MAP1B: variants seen among roughly 807,000 people sequenced by gnomAD.
The protein encoded by MAP1B is microtubule associated protein 1B, also known as microtubule-associated protein 1B.
MAP1B carries 12 observed loss-of-function variants against 176.1 expected under a neutral mutation model. The ratio of observed to expected loss-of-function variants is 0.07; its 90% CI spans 0.04 to 0.11. MAP1B has a LOEUF of 0.11. Among genes scored for constraint, MAP1B ranks in the 10% least tolerant of loss-of-function variants. The probability of loss-of-function intolerance (pLI) is 1.00; values close to 1 mark genes in which losing one functional copy is unlikely to be tolerated. For missense variants in MAP1B, 2,523 were observed against 2,990.5 expected, an observed-to-expected ratio of 0.84 and a Z score of 3.65; for synonymous variants, 1,044 against 1,135.0, an observed-to-expected ratio of 0.92 and a Z score of 1.61.
chr5:72,151,722 C>T (rs1746143753), intron 2 of MAP1B, among the ~76,000 whole-genome samples: 1 of 152,196 alleles, frequency 6.6e-6, no homozygotes, highest in Admixed American at 6.5e-5. Flanking sequence ...TGGTCCCAAA[C>T]TGGCAGTGCT....
At chr5:72,125,426 T>C (rs1745609933) in intron 2 of MAP1B, among the ~76,000 whole-genome samples, 1 of 152,224 alleles carries the variant, frequency 6.6e-6, no homozygotes, top group African/African-American at 2.4e-5. Context: ...GTATCTCCTT[T>C]TGAAGGTGTC....
rs1158935550 is a variant in MAP1B, at chr5:72,208,378, G to A, written c.*3139G>A. The A allele has an allele frequency of 2.0e-5, 3 of 152,128 alleles. No homozygotes were observed. The highest frequency in any genetic ancestry group is 4.8e-5 in the African/African-American group (2 of 41,426). 9.4% of individuals were successfully genotyped at this position (152,128 alleles called of 1,614,324 possible). A position where few individuals can be genotyped will look rare whatever the true frequency, so the allele number is the denominator to read the frequency against. ...TCTGTTTAAATGATGGGATTCTATC[G>A]AGATAGCACTCATGATCATGACCTT... On this transcript the variant is annotated 3_prime_UTR_variant, in exon 7 of 7. Transcript: ENST00000296755.
intron 3 of MAP1B, among the ~76,000 whole-genome samples, chr5:72,184,443 G>A (rs1580012708): frequency 6.6e-6 from 1 of 152,222 alleles, no homozygotes; most frequent in East Asian, 1.9e-4. Context: ...TACATTTAAT[G>A]TTCATATTTA....
rs150015693 is a variant in MAP1B at position 72,116,203 on chromosome 5, T to C, written c.286+404T>C. Among the ~76,000 whole-genome samples the C allele has an allele frequency of 6.3e-3, 960 of 152,336 alleles. 6 individuals carry two copies. The highest frequency in any genetic ancestry group is 9.2e-3 in the Non-Finnish European group (628 of 68,024). On this transcript the variant is annotated intron_variant, in intron 2 of 6. Coordinates refer to ENST00000296755, the MANE Select transcript of MAP1B (RefSeq NM_005909.5). ...CTACAAACTATTTAAATGTTAATCTTACTCAAATGAAATTCTGAATACAAA... is the reference window on the plus strand; with the variant it reads ...CTACAAACTATTTAAATGTTAATCTCACTCAAATGAAATTCTGAATACAAA...
Position 72,139,409 on chromosome 5 carries a change from C to T in MAP1B, c.286+23610C>T, listed in dbSNP as rs146302622. 2.7e-4 allele frequency among the ~76,000 whole-genome samples: 41 copies of T among 152,334 alleles called. No homozygotes were observed. The South Asian group carries it at 6.4e-3, about 24-fold the overall frequency. On this transcript the variant is annotated intron_variant, in intron 2 of 6. Transcript: ENST00000296755. Reference sequence around the variant, plus strand: ...TAACCTTGGGCAAGTCACCAACTCTCTGAACTGAGAGTTTTCTTCCAGGGC... The same window carrying T: ...TAACCTTGGGCAAGTCACCAACTCTTTGAACTGAGAGTTTTCTTCCAGGGC...
intron 3 of MAP1B, among the ~76,000 whole-genome samples, chr5:72,185,501 G>A (rs1347036594): frequency 1.3e-5 from 2 of 151,990 alleles, no homozygotes; most frequent in Non-Finnish European, 2.9e-5. Context: ...AGGCTGAGAT[G>A]GAGGATTGTT....
chr5:72,186,235 C>T lies in MAP1B; in HGVS notation c.370-379C>T, dbSNP rs1746894674. Among the ~76,000 whole-genome samples, 1 of 152,180 alleles carries T rather than the reference C, an allele frequency of 6.6e-6. No individual in the cohort carries two copies. The highest frequency in any genetic ancestry group is 2.1e-4 in the South Asian group (1 of 4,834). ...GATAGTTCCGTCTTCCCTGGTTTCG[C>T]AGACCACGTGCTGCTAGCAGACATT... On this transcript the variant is annotated intron_variant, in intron 3 of 6. Transcript: ENST00000296755. The surrounding 1 kb of genome is among the most constrained non-coding windows in gnomAD (Gnocchi z 4.3).
At position 72,204,147 on chromosome 5, in the gene MAP1B, G is replaced by A. The variant is rs1306269163; in HGVS notation, c.7251+346G>A. Among the ~76,000 whole-genome samples, 2 of 152,196 alleles carry A rather than the reference G, an allele frequency of 1.3e-5. No individual in the cohort carries two copies. The highest frequency in any genetic ancestry group is 1.9e-4 in the East Asian group (1 of 5,198). On this transcript the variant is annotated intron_variant, in intron 6 of 6. Coordinates refer to ENST00000296755, the MANE Select transcript of MAP1B (RefSeq NM_005909.5). This position sits in a 1 kb window ranked among gnomAD's most constrained non-coding sequence, Gnocchi z 4.4. ...AATCAAAGCGGTCATATTTCCATAT[G>A]AGAGCTCCTGAGGAATTGCCTTTCT...
At chr5:72,108,862 C>T (rs570827905) in intron 1 of MAP1B, among the ~76,000 whole-genome samples, 18 of 152,324 alleles carry the variant, frequency 1.2e-4, no homozygotes, top group East Asian at 5.8e-4. Flanking sequence ...GGCGTCCCGG[C>T]CCTCCCCTCG....
intron 1 of MAP1B, among the ~76,000 whole-genome samples, chr5:72,108,614 G>A (rs968929646): frequency 6.6e-6 from 1 of 152,166 alleles, no homozygotes; most frequent in African/African-American, 2.4e-5. Flanking sequence ...CACAGCCTCG[G>A]GCGCACAGAG....
rs368021857 is a variant in MAP1B at position 72,194,741 on chromosome 5, G to A, written c.1386G>A (p.Pro462=). Residue 462 remains proline, a synonymous_variant, in exon 5 of 7, where the codon CCG becomes CCA. Coordinates refer to ENST00000296755, the MANE Select transcript of MAP1B (RefSeq NM_005909.5). This position sits in a 1 kb window ranked among gnomAD's most constrained non-coding sequence, Gnocchi z 7.2. ...ILPNGQEVDL[P]ISYLTSVSSL... ...CTAATGGTCAAGAAGTAGATCTCCCGATTTCCTACTTAACTTCAGTCTCAT... is the reference window on the plus strand; with the variant it reads ...CTAATGGTCAAGAAGTAGATCTCCCAATTTCCTACTTAACTTCAGTCTCAT... 6.1e-5 allele frequency: 99 copies of A among 1,614,180 alleles called. No homozygotes were observed. Among genetic ancestry groups the A allele is most frequent in the Admixed American group, 1.0e-4 (6 of 60,028 alleles).
intron 2 of MAP1B, among the ~76,000 whole-genome samples, chr5:72,162,348 G>A (rs912269059): frequency 1.3e-5 from 2 of 151,986 alleles, no homozygotes; most frequent in East Asian, 1.9e-4. Context: ...TATTTTCAAA[G>A]TGATTAACTT....
Position 72,196,831 on chromosome 5 carries a change from T to G in MAP1B, c.3476T>G (p.Phe1159Cys), listed in dbSNP as rs747889193. 1 of 1,614,110 alleles carries G rather than the reference T, an allele frequency of 6.2e-7. No individual in the cohort carries two copies. The highest frequency in any genetic ancestry group is 1.3e-5 in the African/African-American group (1 of 75,036). ...GAGACGGAGTCCCCTTCTCAGGAAT[T>G]CGTAAATATCACCAAATATGAATCT... ...NEETESPSQEFVNITKYESSL... is the reference protein window; with the variant it reads ...NEETESPSQECVNITKYESSL... Residue 1159 changes from phenylalanine (F) to cysteine (C), a missense_variant, in exon 5 of 7, where the codon TTC becomes TGC. Phe to Cys is a radical substitution (Grantham distance 205). Coordinates refer to ENST00000296755, the MANE Select transcript of MAP1B (RefSeq NM_005909.5). The surrounding 1 kb of genome is among the most constrained non-coding windows in gnomAD (Gnocchi z 5.3).
At chr5:72,108,650 T>A (rs1353608511) in intron 1 of MAP1B, among the ~76,000 whole-genome samples, 2 of 151,976 alleles carry the variant, frequency 1.3e-5, no homozygotes, top group Non-Finnish European at 2.9e-5. Flanking sequence ...CCACCCGAGC[T>A]GCCGCAGTGC....
At chr5:72,163,227 CAAAA>C (rs10608907) in intron 2 of MAP1B, among the ~76,000 whole-genome samples, 3 of 78,144 alleles carry the variant, frequency 3.8e-5, no homozygotes, top group Non-Finnish European at 4.9e-5. Context: ...GACTCCATCT[CAAAA>C]AAAAAAAAAA....
intron 1 of MAP1B, among the ~76,000 whole-genome samples, chr5:72,114,267 A>G (rs1323718603): frequency 1.3e-5 from 2 of 152,118 alleles, no homozygotes; most frequent in South Asian, 2.1e-4. Context: ...TTTACAGGAT[A>G]GGAAGACTGA....
chr5:72,125,161 G>A (rs1055111892), intron 2 of MAP1B, among the ~76,000 whole-genome samples: 29 of 152,146 alleles, frequency 1.9e-4, no homozygotes, highest in Non-Finnish European at 8.8e-5. Context: ...TGTAGCAACC[G>A]CTTTTTTATC....
chr5:72,128,842 A>G (rs769590489), intron 2 of MAP1B, among the ~76,000 whole-genome samples: 1 of 152,192 alleles, frequency 6.6e-6, no homozygotes, highest in Non-Finnish European at 1.5e-5. Context: ...TTGTAGAGAC[A>G]GGGCCTTGCT....
chr5:72,136,981 C>T (rs1561295370), intron 2 of MAP1B, among the ~76,000 whole-genome samples: 1 of 152,198 alleles, frequency 6.6e-6, no homozygotes, highest in Non-Finnish European at 1.5e-5. Context: ...GCATCTTCTT[C>T]CACCCTATGG....
Sources: allele counts gnomAD v4.1 joint callset (sites outside exome capture counted in the v4.1 genomes callset), GRCh38; gene constraint gnomAD v4.1.1; non-coding constraint Gnocchi (gnomAD v3.1); transcripts MANE v1.5; gene names NCBI Gene and HGNC (gene_info 2026-07-23, HGNC 2026-07-21).